The following GLI3 variants were observed in gnomAD, a reference collection of about 807,000 sequenced individuals.
The protein encoded by GLI3 is GLI family zinc finger 3, also known as transcription activator GLI3.
Under a neutral mutation model 100.8 loss-of-function variants are expected in GLI3, and 20 were observed. The observed-to-expected ratio is 0.20, with a 90% CI of 0.14 to 0.29. The LOEUF (loss-of-function observed/expected upper bound fraction) is 0.29. GLI3 is among the 10% of genes least tolerant of loss of function. The pLI is 1.00. For missense variants in GLI3, 2,040 were observed against 2,128.5 expected (o/e 0.96, Z 0.82); for synonymous variants, 938 against 860.5 (o/e 1.09, Z -1.58).
chr7:42,112,794 A>G (rs945483622), intron 3 of GLI3, among the ~76,000 whole-genome samples: 7 of 148,782 alleles, frequency 4.7e-5, no homozygotes, highest in Admixed American at 4.6e-4. Flanking sequence ...GTAGAGGTGC[A>G]TATCTGGGCA....
intron 4 of GLI3, among the ~76,000 whole-genome samples, chr7:42,068,797 CG>C (rs1284426213): frequency 1.3e-5 from 2 of 152,142 alleles, no homozygotes; most frequent in Middle Eastern, 3.4e-3. Flanking sequence ...GAGGGAGAGA[CG>C]GCCACATAGG....
intron 4 of GLI3, among the ~76,000 whole-genome samples, chr7:42,053,879 G>A (rs1015423923): frequency 3.9e-5 from 6 of 152,304 alleles, no homozygotes; most frequent in Admixed American, 3.9e-4. Flanking sequence ...CTGACAAACT[G>A]CTGTCTGGGC....
intron 1 of GLI3, among the ~76,000 whole-genome samples, chr7:42,230,107 G>A (rs1019221537): frequency 2.5e-5 from 3 of 121,012 alleles, no homozygotes; most frequent in East Asian, 2.9e-4. Flanking sequence ...GCGGGGGGGG[G>A]GGGGGTGGAA....
chr7:42,035,763 T>C (rs1199185815), intron 7 of GLI3, among the ~76,000 whole-genome samples: 1 of 152,184 alleles, frequency 6.6e-6, no homozygotes, highest in Non-Finnish European at 1.5e-5. Flanking sequence ...TTAGCAAAGG[T>C]ACACTATTTT....
chr7:42,082,868 G>C (rs1421593831), intron 3 of GLI3, among the ~76,000 whole-genome samples: 1 of 151,838 alleles, frequency 6.6e-6, no homozygotes, highest in African/African-American at 2.4e-5. Context: ...ATCACATGTG[G>C]GCCGGTTTTT....
chr7:42,016,697 T>C (rs796425765), intron 10 of GLI3, among the ~76,000 whole-genome samples: 2 of 151,982 alleles, frequency 1.3e-5, no homozygotes, highest in Admixed American at 6.6e-5. Flanking sequence ...ATCATCATCA[T>C]CACCACCATC....
chr7:42,048,097 C>G (rs1378529639), intron 5 of GLI3, among the ~76,000 whole-genome samples: 1 of 152,192 alleles, frequency 6.6e-6, no homozygotes, highest in Non-Finnish European at 1.5e-5. Flanking sequence ...GTGAGTAAAA[C>G]ACTCATGTTA....
intron 1 of GLI3, 29 bp from the exon 2 acceptor site, chr7:42,223,324 T>C (rs547513486): frequency 3.1e-6 from 4 of 1,274,154 alleles, no homozygotes; most frequent in East Asian, 2.5e-5. Flanking sequence ...CCATCAACTT[T>C]CCAAAATGGT....
intron 6 of GLI3, among the ~76,000 whole-genome samples, chr7:42,041,350 T>G (rs1394388855): frequency 1.3e-5 from 2 of 152,222 alleles, no homozygotes. Flanking sequence ...AATGCCAATT[T>G]GCATTCAAAT....
At chr7:41,971,671 A>C (rs1583740568) in intron 13 of GLI3, among the ~76,000 whole-genome samples, 1 of 152,182 alleles carries the variant, frequency 6.6e-6, no homozygotes, top group Non-Finnish European at 1.5e-5. Flanking sequence ...CCCAGTTTCT[A>C]GACTGGTACT....
chr7:42,101,839 T>TC (rs1372445617), intron 3 of GLI3, among the ~76,000 whole-genome samples: 2 of 94,098 alleles, frequency 2.1e-5, no homozygotes, highest in African/African-American at 1.1e-4. Context: ...CTCCACCCTC[T>TC]CCCACCCCAC....
At chr7:42,217,052 C>CAAG (rs1788391395) in intron 2 of GLI3, among the ~76,000 whole-genome samples, 1 of 152,122 alleles carries the variant, frequency 6.6e-6, no homozygotes, top group Non-Finnish European at 1.5e-5. Context: ...TTGGCAGGAG[C>CAAG]AAGTCCCATG....
intron 3 of GLI3, among the ~76,000 whole-genome samples, chr7:42,124,432 A>C (rs976834869): frequency 6.6e-6 from 1 of 152,230 alleles, no homozygotes; most frequent in African/African-American, 2.4e-5. Flanking sequence ...TCCTCTTCCT[A>C]CAGAACCAAA....
At chr7:42,238,758 C>CG (rs1400367785), upstream of GLI3, among the ~76,000 whole-genome samples, 2 of 152,078 alleles carry the variant, frequency 1.3e-5, no homozygotes, top group Non-Finnish European at 2.9e-5. Context: ...AAGGAGTTCT[C>CG]GGGGGGAAAC....
chr7:42,023,419 A>G (rs1171779059), intron 10 of GLI3, 49 bp downstream of exon 10: 5 of 1,603,826 alleles, frequency 3.1e-6, no homozygotes, highest in Admixed American at 1.7e-5. Flanking sequence ...ACCTCCCTGG[A>G]AAGTGTCACA....
chr7:42,073,344 A>G (rs1174981182), intron 4 of GLI3, among the ~76,000 whole-genome samples: 1 of 152,152 alleles, frequency 6.6e-6, no homozygotes, highest in East Asian at 1.9e-4. Context: ...AAACTGACGT[A>G]TTTCCGTACA....
At chr7:41,981,703 G>A (rs923573973) in intron 10 of GLI3, among the ~76,000 whole-genome samples, 8 of 152,178 alleles carry the variant, frequency 5.3e-5, no homozygotes, top group Admixed American at 2.0e-4. Context: ...GGAAGGCTCT[G>A]GATTGGACCT....
chr7:42,029,337 A>C (rs1451134692), intron 7 of GLI3, among the ~76,000 whole-genome samples: 1 of 152,234 alleles, frequency 6.6e-6, no homozygotes, highest in Non-Finnish European at 1.5e-5. Flanking sequence ...TTGGGAGTCA[A>C]GGCTCCTCTG....
intron 2 of GLI3, among the ~76,000 whole-genome samples, chr7:42,216,734 T>C (rs984714294): frequency 1.3e-5 from 2 of 152,132 alleles, no homozygotes; most frequent in African/African-American, 2.4e-5. Context: ...CACAAGACCT[T>C]ATGAGGAGAG....
Sources: allele counts gnomAD v4.1 joint callset (sites outside exome capture counted in the v4.1 genomes callset), GRCh38; gene constraint gnomAD v4.1.1; transcripts MANE v1.5; gene names NCBI Gene and HGNC (gene_info 2026-07-23, HGNC 2026-07-21).